Variants in TMEM108 observed in about 807,000 individuals in gnomAD.
TMEM108 encodes transmembrane protein 108.
A neutral mutation model predicts 35.1 loss-of-function variants in TMEM108; 12 were observed. The ratio of observed to expected loss-of-function variants is 0.34; its 90% confidence interval spans 0.22 to 0.55. TMEM108 has a LOEUF of 0.55. Ranked by LOEUF, TMEM108 falls within the 20% of genes least tolerant of loss-of-function variation. TMEM108 has a pLI of 0.89. For synonymous variants in TMEM108, 287 were observed against 308.6 expected (o/e 0.93, Z 0.73); for missense variants, 680 against 753.3 (o/e 0.90, Z 1.14).
chr3:133,181,415 G>A (rs1170169655), intron 2 of TMEM108, among the ~76,000 whole-genome samples: 1 of 152,198 alleles, frequency 6.6e-6, no homozygotes, highest in African/African-American at 2.4e-5. Context: ...TCAGGAAAGT[G>A]TATGTGTGTG....
intron 2 of TMEM108, among the ~76,000 whole-genome samples, chr3:133,084,012 G>A (rs1943848691): frequency 6.6e-6 from 1 of 151,994 alleles, no homozygotes; most frequent in African/African-American, 2.4e-5. Flanking sequence ...GCAGAGATAA[G>A]GCATCCAAGG....
At chr3:133,267,129 A>G (rs866215177) in intron 3 of TMEM108, among the ~76,000 whole-genome samples, 1 of 151,630 alleles carries the variant, frequency 6.6e-6, no homozygotes, top group African/African-American at 2.4e-5. Flanking sequence ...TAGTTGCTGT[A>G]GAGCCACCAT....
At chr3:133,355,900 A>G (rs2072151153) in intron 3 of TMEM108, among the ~76,000 whole-genome samples, 1 of 152,190 alleles carries the variant, frequency 6.6e-6, no homozygotes, top group African/African-American at 2.4e-5. Flanking sequence ...ACTGGCACAA[A>G]AAAATAGTGT....
intron 3 of TMEM108, among the ~76,000 whole-genome samples, chr3:133,347,327 A>G (rs749676424): frequency 6.6e-6 from 1 of 152,014 alleles, no homozygotes; most frequent in African/African-American, 2.4e-5. Context: ...GAGTTTTGCC[A>G]TTGTCCACAT....
chr3:133,360,434 A>T (rs115455015), intron 3 of TMEM108, among the ~76,000 whole-genome samples: 1,696 of 152,326 alleles, frequency 0.011, 30 homozygotes, highest in African/African-American at 0.039. Flanking sequence ...CAATAATTTT[A>T]AAATGGGGTC....
At chr3:133,039,429 G>A (rs1943247034) in intron 1 of TMEM108, among the ~76,000 whole-genome samples, 1 of 152,166 alleles carries the variant, frequency 6.6e-6, no homozygotes, top group Non-Finnish European at 1.5e-5. Flanking sequence ...TGTGCTCGAT[G>A]AAGACCATTT....
chr3:133,218,558 T>C (rs1945942640), intron 2 of TMEM108, among the ~76,000 whole-genome samples: 2 of 152,224 alleles, frequency 1.3e-5, no homozygotes, highest in South Asian at 4.1e-4. Flanking sequence ...TTTGTTGCAT[T>C]GAGTTACTTT....
chr3:133,233,198 C>T (rs1466933843), intron 3 of TMEM108, among the ~76,000 whole-genome samples: 2 of 152,042 alleles, frequency 1.3e-5, no homozygotes, highest in African/African-American at 4.8e-5. Flanking sequence ...CGCTCCGCCA[C>T]CCCACAACAG....
At chr3:133,154,188 A>G (rs1389342548) in intron 2 of TMEM108, among the ~76,000 whole-genome samples, 4 of 151,998 alleles carry the variant, frequency 2.6e-5, no homozygotes, top group Non-Finnish European at 5.9e-5. Context: ...TCTGGGTATT[A>G]GCCCTTTGTC....
At chr3:133,221,384 TA>T (rs1300877279) in intron 2 of TMEM108, among the ~76,000 whole-genome samples, 1 of 152,120 alleles carries the variant, frequency 6.6e-6, no homozygotes, top group Non-Finnish European at 1.5e-5. Flanking sequence ...ACAAAGGTCA[TA>T]GGGGCTTTGT....
At chr3:133,191,218 G>C (rs578008802) in intron 2 of TMEM108, among the ~76,000 whole-genome samples, 1 of 152,198 alleles carries the variant, frequency 6.6e-6, no homozygotes, top group South Asian at 2.1e-4. Flanking sequence ...AAAATACATA[G>C]AGGGAGGCAG....
chr3:133,041,571 AG>A (rs770562774), intron 1 of TMEM108, among the ~76,000 whole-genome samples: 9 of 152,200 alleles, frequency 5.9e-5, no homozygotes, highest in Non-Finnish European at 1.0e-4. Context: ...TGTTTACATA[AG>A]GTAGGAATAA....
At chr3:133,202,548 G>A (rs1005040517) in intron 2 of TMEM108, among the ~76,000 whole-genome samples, 3 of 152,106 alleles carry the variant, frequency 2.0e-5, no homozygotes, top group South Asian at 2.1e-4. Flanking sequence ...ATTAAATAGG[G>A]AATTCTTTCC....
At chr3:133,379,340 T>C (rs1486387167) in intron 3 of TMEM108, among the ~76,000 whole-genome samples, 2 of 152,160 alleles carry the variant, frequency 1.3e-5, no homozygotes, top group Non-Finnish European at 2.9e-5. Flanking sequence ...CACACAGGCT[T>C]CCCCACAGGC....
chr3:133,117,328 T>C (rs2107730447), intron 2 of TMEM108, among the ~76,000 whole-genome samples: 1 of 152,296 alleles, frequency 6.6e-6, no homozygotes, highest in East Asian at 1.9e-4. Flanking sequence ...CAAAAGCAAG[T>C]CAATCAGCGA....
At chr3:133,202,724 C>T (rs1200160869) in intron 2 of TMEM108, among the ~76,000 whole-genome samples, 4 of 152,110 alleles carry the variant, frequency 2.6e-5, no homozygotes, top group Non-Finnish European at 5.9e-5. Flanking sequence ...AGTCAGGTAG[C>T]ATGATGCCTC....
At chr3:133,159,271 A>C (rs1163359726) in intron 2 of TMEM108, among the ~76,000 whole-genome samples, 2 of 152,176 alleles carry the variant, frequency 1.3e-5, no homozygotes, top group Non-Finnish European at 2.9e-5. Flanking sequence ...ACTATAAACT[A>C]GTTTTTATTC....
intron 3 of TMEM108, among the ~76,000 whole-genome samples, chr3:133,363,012 G>A (rs967792439): frequency 2.0e-5 from 3 of 152,302 alleles, no homozygotes; most frequent in African/African-American, 7.2e-5. Flanking sequence ...AAGGAGCCAA[G>A]CAGAATGGGA....
intron 3 of TMEM108, among the ~76,000 whole-genome samples, chr3:133,352,637 T>C (rs2072038535): frequency 6.6e-6 from 1 of 152,184 alleles, no homozygotes; most frequent in African/African-American, 2.4e-5. Flanking sequence ...ATATGCTTAG[T>C]AGCTTACTGC....
Sources: gnomAD v4.1 joint callset for allele counts (sites outside exome capture counted in the v4.1 genomes callset) on GRCh38, gnomAD v4.1.1 for gene constraint, MANE v1.5 for transcripts, NCBI Gene and HGNC (gene_info 2026-07-23, HGNC 2026-07-21) for gene names.